CLSTN2: variants seen among roughly 807,000 people sequenced by gnomAD.
The protein encoded by CLSTN2 is calsyntenin-2.
In CLSTN2, 48 loss-of-function variants were observed where a neutral mutation model predicts 101.2. That is an observed-to-expected ratio of 0.47 (90% CI 0.38 to 0.60). The LOEUF (loss-of-function observed/expected upper bound fraction) is 0.60, where lower values mean the gene tolerates loss of function less well. Among genes scored for constraint, CLSTN2 ranks in the 20% least tolerant of loss-of-function variants. The probability of loss-of-function intolerance (pLI) is 0.00; values close to 1 mark genes in which losing one functional copy is unlikely to be tolerated. For synonymous variants in CLSTN2, 481 were observed against 463.6 expected, an observed-to-expected ratio of 1.04 and a Z score of -0.48; for missense variants, 1,160 against 1,238.2, an observed-to-expected ratio of 0.94 and a Z score of 0.95.
chr3:140,480,410 G>A (rs1180855697), intron 8 of CLSTN2, among the ~76,000 whole-genome samples: 1 of 152,130 alleles, frequency 6.6e-6, no homozygotes, highest in African/African-American at 2.4e-5. Context: ...AAACATACAT[G>A]TGCATGTGTC....
At chr3:140,001,641 G>T (rs943449074) in intron 1 of CLSTN2, among the ~76,000 whole-genome samples, 1 of 151,456 alleles carries the variant, frequency 6.6e-6, no homozygotes. Context: ...CTTTTTTTAA[G>T]CTATTTTTAA....
At chr3:140,207,773 A>G (rs1447092783) in intron 2 of CLSTN2, among the ~76,000 whole-genome samples, 2 of 152,134 alleles carry the variant, frequency 1.3e-5, no homozygotes, top group African/African-American at 4.8e-5. Flanking sequence ...ATTGCTACCC[A>G]GTGCAGAACT....
intron 8 of CLSTN2, among the ~76,000 whole-genome samples, chr3:140,480,199 G>A (rs752209300): frequency 6.6e-6 from 1 of 151,778 alleles, no homozygotes; most frequent in Non-Finnish European, 1.5e-5. Flanking sequence ...TGCAGTGTTT[G>A]GTTTTTTCTC....
intron 1 of CLSTN2, among the ~76,000 whole-genome samples, chr3:140,076,884 A>G (rs2008502188): frequency 6.6e-6 from 1 of 152,118 alleles, no homozygotes; most frequent in Non-Finnish European, 1.5e-5. Context: ...CAGTCCCTGC[A>G]TCTGTGTGTT....
intron 2 of CLSTN2, among the ~76,000 whole-genome samples, chr3:140,284,084 T>C (rs533256094): frequency 2.6e-5 from 4 of 152,244 alleles, no homozygotes; most frequent in Admixed American, 1.3e-4. Context: ...TCAAATAAAA[T>C]TGTCATCCAA....
At chr3:140,235,270 C>G (rs1350930705) in intron 2 of CLSTN2, among the ~76,000 whole-genome samples, 1 of 152,122 alleles carries the variant, frequency 6.6e-6, no homozygotes, top group Non-Finnish European at 1.5e-5. Flanking sequence ...GATTCTCTCC[C>G]CATGATTGAA....
intron 1 of CLSTN2, among the ~76,000 whole-genome samples, chr3:140,104,156 C>T (rs372554499): frequency 2.6e-5 from 4 of 152,344 alleles, no homozygotes; most frequent in South Asian, 2.1e-4. Flanking sequence ...TATCTTTCCT[C>T]TCTGCTGACT....
chr3:140,443,053 C>T (rs1381742594), intron 5 of CLSTN2, among the ~76,000 whole-genome samples: 6 of 152,226 alleles, frequency 3.9e-5, no homozygotes, highest in Non-Finnish European at 8.8e-5. Context: ...GCAGTGTCAG[C>T]TGCCTGAACA....
intron 2 of CLSTN2, among the ~76,000 whole-genome samples, chr3:140,221,496 T>C (rs1439683083): frequency 6.6e-6 from 1 of 152,034 alleles, no homozygotes; most frequent in Non-Finnish European, 1.5e-5. Flanking sequence ...ATAGCAATAG[T>C]GGCAGTTAAC....
At chr3:140,078,084 T>C (rs1487007402) in intron 1 of CLSTN2, among the ~76,000 whole-genome samples, 2 of 152,210 alleles carry the variant, frequency 1.3e-5, no homozygotes, top group African/African-American at 4.8e-5. Context: ...TCACCATGTG[T>C]GCTGGTGGCA....
chr3:140,042,513 G>C (rs4683788), intron 1 of CLSTN2, among the ~76,000 whole-genome samples: 18,245 of 152,038 alleles, frequency 0.12, 1,428 homozygotes, highest in East Asian at 0.22. Context: ...AATGACAGCT[G>C]TAGTTTCTTT....
At chr3:139,989,833 C>T (rs1235125810) in intron 1 of CLSTN2, among the ~76,000 whole-genome samples, 1 of 152,200 alleles carries the variant, frequency 6.6e-6, no homozygotes. Flanking sequence ...TTCTGAAAGA[C>T]TCTTCACAGC....
At chr3:140,042,896 GC>G (rs1190216037) in intron 1 of CLSTN2, among the ~76,000 whole-genome samples, 2 of 152,266 alleles carry the variant, frequency 1.3e-5, no homozygotes, top group Non-Finnish European at 2.9e-5. Context: ...GTGTATATGT[GC>G]CACATTTTCT....
chr3:140,440,180 C>T (rs1346385135), intron 5 of CLSTN2, among the ~76,000 whole-genome samples: 1 of 152,100 alleles, frequency 6.6e-6, no homozygotes, highest in African/African-American at 2.4e-5. Context: ...AAGAGAAGGA[C>T]CAGCCCTAGG....
chr3:140,347,029 C>T (rs930538690), intron 2 of CLSTN2, among the ~76,000 whole-genome samples: 1 of 152,184 alleles, frequency 6.6e-6, no homozygotes, highest in Admixed American at 6.5e-5. Context: ...CAACTTTTCT[C>T]TCTGAGGAGG....
At chr3:140,328,279 C>G (rs9832534) in intron 2 of CLSTN2, among the ~76,000 whole-genome samples, 60,728 of 152,006 alleles carry the variant, frequency 0.4, 13,413 homozygotes, top group Non-Finnish European at 0.51. Flanking sequence ...GACCACACAC[C>G]ACGATAATCA....
intron 1 of CLSTN2, among the ~76,000 whole-genome samples, chr3:140,103,132 GA>G (rs2008995944): frequency 6.6e-6 from 1 of 152,202 alleles, no homozygotes; most frequent in Non-Finnish European, 1.5e-5. Flanking sequence ...TCAGATTTCT[GA>G]GACTGACCAT....
chr3:140,562,218 C>A lies in CLSTN2; in HGVS notation c.2122C>A (p.Pro708Thr). ...DILVIGGDLD[P>T]RQECLELNHS... Reference sequence around the variant, plus strand: ...TTTGGTGATCGGAGGGGACTTGGACCCAAGGCAGGAGTGCTTGGAGCTCAA... The same window carrying A: ...TTTGGTGATCGGAGGGGACTTGGACACAAGGCAGGAGTGCTTGGAGCTCAA... Residue 708 changes from proline to threonine, a missense_variant, in exon 13 of 17, where the codon CCA (proline) becomes ACA (threonine). By Grantham distance (38) the Pro-to-Thr change is conservative. Transcript: ENST00000458420. The A allele has an allele frequency of 6.8e-6, 11 of 1,614,006 alleles. No individual in the cohort carries two copies. Among genetic ancestry groups the A allele is most frequent in the Non-Finnish European group, 9.3e-6 (11 of 1,179,930 alleles).
At chr3:139,970,319 G>T (rs1011267290) in intron 1 of CLSTN2, among the ~76,000 whole-genome samples, 1 of 151,928 alleles carries the variant, frequency 6.6e-6, no homozygotes, top group African/African-American at 2.4e-5. Flanking sequence ...TGAAGCATCT[G>T]GGGGGGGATG....
Sources: gnomAD v4.1 joint callset for allele counts (sites outside exome capture counted in the v4.1 genomes callset) on GRCh38, gnomAD v4.1.1 for gene constraint, MANE v1.5 for transcripts, NCBI Gene and HGNC (gene_info 2026-07-23, HGNC 2026-07-21) for gene names.